Variants in AGTR1 observed in about 807,000 individuals in gnomAD.
AGTR1 encodes type-1 angiotensin II receptor.
A neutral mutation model predicts 19.4 loss-of-function variants in AGTR1; 16 were observed. The ratio of observed to expected loss-of-function variants is 0.82; its 90% CI spans 0.56 to 1.25. The LOEUF (loss-of-function observed/expected upper bound fraction) is 1.25, where lower values mean the gene tolerates loss of function less well. AGTR1 is among the 50% of genes most tolerant of loss of function. The pLI is 0.00. For synonymous variants in AGTR1, 153 were observed against 154.9 expected (o/e 0.99, Z 0.09); for missense variants, 373 against 431.9 (o/e 0.86, Z 1.21).
intron 2 of AGTR1, among the ~76,000 whole-genome samples, chr3:148,738,321 G>A (rs1714684719): frequency 6.6e-6 from 1 of 151,724 alleles, no homozygotes; most frequent in Non-Finnish European, 1.5e-5. Flanking sequence ...GTTCACTCAG[G>A]CCCTTTTCAA....
Position 148,724,445 on chromosome 3 carries a change from G to C in AGTR1, c.-48+16418G>C, listed in dbSNP as rs575861859. Among the ~76,000 whole-genome samples, 4 of 152,318 alleles carry C rather than the reference G, an allele frequency of 2.6e-5. No homozygotes were observed. In the South Asian group the frequency reaches 8.3e-4, roughly 32 times the overall value. ...AAACAAAAGACTGTAGAGAATAGTA[G>C]TTCAACCACATTTTAGGTTAAAATA... On this transcript the variant is annotated intron_variant, in intron 2 of 2. Coordinates refer to ENST00000349243, the MANE Select transcript of AGTR1 (RefSeq NM_000685.5).
intron 2 of AGTR1, among the ~76,000 whole-genome samples, chr3:148,740,723 G>A (rs1414164342): frequency 6.6e-6 from 1 of 152,232 alleles, no homozygotes; most frequent in Admixed American, 6.5e-5. Flanking sequence ...AAAAGGAAAA[G>A]GACCTAGATA....
chr3:148,721,331 C>T (rs1713623662), intron 2 of AGTR1, among the ~76,000 whole-genome samples: 1 of 152,166 alleles, frequency 6.6e-6, no homozygotes. Context: ...ATTATCCCCA[C>T]TTCATAAATG....
chr3:148,721,327 C>T (rs142611953), intron 2 of AGTR1, among the ~76,000 whole-genome samples: 1 of 152,166 alleles, frequency 6.6e-6, no homozygotes, highest in Non-Finnish European at 1.5e-5. Context: ...CAGTATTATC[C>T]CCACTTCATA....
chr3:148,699,236 T>C (rs1559919882), intron 1 of AGTR1, among the ~76,000 whole-genome samples: 1 of 152,222 alleles, frequency 6.6e-6, no homozygotes, highest in Non-Finnish European at 1.5e-5. Flanking sequence ...TATTACTTTG[T>C]TGAGCAACTT....
At chr3:148,710,486 G>A (rs1036031806) in intron 2 of AGTR1, among the ~76,000 whole-genome samples, 2 of 152,078 alleles carry the variant, frequency 1.3e-5, no homozygotes, top group Non-Finnish European at 2.9e-5. Context: ...TAAAAAAGAT[G>A]TAGGATCATT....
intron 1 of AGTR1, among the ~76,000 whole-genome samples, chr3:148,702,798 C>T (rs1221522551): frequency 6.6e-6 from 1 of 152,072 alleles, no homozygotes; most frequent in African/African-American, 2.4e-5. Context: ...CTGTTTGTTG[C>T]TTATTTGTTT....
chr3:148,734,351 TG>T (rs929881641), intron 2 of AGTR1, among the ~76,000 whole-genome samples: 15 of 152,226 alleles, frequency 9.9e-5, no homozygotes, highest in Non-Finnish European at 1.9e-4. Context: ...GAGGGCTAGT[TG>T]GAAATGATGG....
chr3:148,699,348 C>T (rs1376574362), intron 1 of AGTR1, among the ~76,000 whole-genome samples: 1 of 152,152 alleles, frequency 6.6e-6, no homozygotes, highest in African/African-American at 2.4e-5. Context: ...ATAGCATATG[C>T]TTTAACCCCC....
At chr3:148,708,184 A>G (rs1411649085) in intron 2 of AGTR1, among the ~76,000 whole-genome samples, 157 bp downstream of exon 2, 1 of 152,164 alleles carries the variant, frequency 6.6e-6, no homozygotes, top group Non-Finnish European at 1.5e-5. Context: ...ATCCCCTCCA[A>G]TATACAGATT....
intron 2 of AGTR1, among the ~76,000 whole-genome samples, chr3:148,720,631 A>G (rs557441961): frequency 6.6e-6 from 1 of 152,244 alleles, no homozygotes; most frequent in Non-Finnish European, 1.5e-5. Context: ...ACAGTATAAA[A>G]GTAATTAATC....
chr3:148,710,000 T>C (rs1235915427), intron 2 of AGTR1, among the ~76,000 whole-genome samples: 1 of 152,170 alleles, frequency 6.6e-6, no homozygotes, highest in East Asian at 1.9e-4. Context: ...AATATAAACG[T>C]ATTAAAATTA....
intron 2 of AGTR1, among the ~76,000 whole-genome samples, chr3:148,734,286 T>C (rs1282101300): frequency 6.6e-6 from 1 of 152,206 alleles, no homozygotes; most frequent in African/African-American, 2.4e-5. Context: ...TTTCTGAATT[T>C]CCTTTCATAA....
At chr3:148,726,658 G>A (rs188605459) in intron 2 of AGTR1, among the ~76,000 whole-genome samples, 1 of 152,012 alleles carries the variant, frequency 6.6e-6, no homozygotes, top group East Asian at 1.9e-4. Context: ...TTTAATTTTT[G>A]TACTTTATGG....
intron 1 of AGTR1, among the ~76,000 whole-genome samples, chr3:148,699,092 C>G (rs275654): frequency 4.3e-4 from 66 of 152,258 alleles, no homozygotes; most frequent in African/African-American, 1.1e-3. Flanking sequence ...CTACTCCCCC[C>G]CTTCAGGAGC....
intron 1 of AGTR1, among the ~76,000 whole-genome samples, chr3:148,703,511 T>G (rs1027047973): frequency 3.3e-5 from 5 of 152,266 alleles, no homozygotes; most frequent in Non-Finnish European, 7.3e-5. Flanking sequence ...TACATAAATG[T>G]GCCAAACACA....
intron 2 of AGTR1, among the ~76,000 whole-genome samples, chr3:148,714,391 GAGA>G (rs1373561735): frequency 1.2e-4 from 18 of 152,110 alleles, no homozygotes; most frequent in African/African-American, 4.3e-4. Context: ...GGACATCTGG[GAGA>G]AGATCGCTCC....
At chr3:148,722,662 A>G (rs1713713809) in intron 2 of AGTR1, among the ~76,000 whole-genome samples, 1 of 152,124 alleles carries the variant, frequency 6.6e-6, no homozygotes, top group South Asian at 2.1e-4. Context: ...GAGCCTCTTC[A>G]TGAGGTAGCC....
chr3:148,740,634 CTAATT>C (rs1173159955), intron 2 of AGTR1, among the ~76,000 whole-genome samples: 1 of 152,116 alleles, frequency 6.6e-6, no homozygotes, highest in Non-Finnish European at 1.5e-5. Flanking sequence ...TTCTGAAAAA[CTAATT>C]TAATTCAGTA....
Sources: gnomAD v4.1 joint callset for allele counts (sites outside exome capture counted in the v4.1 genomes callset) on GRCh38, gnomAD v4.1.1 for gene constraint, MANE v1.5 for transcripts, NCBI Gene and HGNC (gene_info 2026-07-23, HGNC 2026-07-21) for gene names.